ASIC2: variants seen among roughly 807,000 people sequenced by gnomAD.
ASIC2 encodes acid-sensing ion channel 2.
Under a neutral mutation model 57.3 loss-of-function variants are expected in ASIC2, and 25 were observed. The ratio of observed to expected loss-of-function variants is 0.44; its 90% confidence interval spans 0.32 to 0.61. The LOEUF (loss-of-function observed/expected upper bound fraction) is 0.61, where lower values mean the gene tolerates loss of function less well. ASIC2 is among the 20% of genes least tolerant of loss of function. ASIC2 has a pLI of 0.06. For synonymous variants in ASIC2, 319 were observed against 307.5 expected (o/e 1.04, Z -0.39); for missense variants, 641 against 738.1 (o/e 0.87, Z 1.52).
chr17:33,723,909 T>C (rs1003284764), intron 1 of ASIC2, among the ~76,000 whole-genome samples: 1 of 152,206 alleles, frequency 6.6e-6, no homozygotes, highest in Non-Finnish European at 1.5e-5. Flanking sequence ...AGAATTTTCC[T>C]GGCAGAGGAG....
intron 1 of ASIC2, among the ~76,000 whole-genome samples, chr17:33,371,879 T>G (rs1169834859): frequency 6.6e-6 from 1 of 152,102 alleles, no homozygotes; most frequent in Non-Finnish European, 1.5e-5. Flanking sequence ...AAAGAGAAAG[T>G]TAAAGCCATG....
intron 1 of ASIC2, chr17:33,569,282 C>CT (rs1183949435): frequency 6.6e-6 from 1 of 152,308 alleles, no homozygotes; most frequent in Non-Finnish European, 1.5e-5. Context: ...GGTGACATGT[C>CT]TGAGTCCCCT....
At chr17:33,266,335 A>C (rs1909458322) in intron 1 of ASIC2, among the ~76,000 whole-genome samples, 1 of 152,116 alleles carries the variant, frequency 6.6e-6, no homozygotes, top group African/African-American at 2.4e-5. Context: ...TGCCTGACTC[A>C]GGGAAGGCAT....
intron 1 of ASIC2, among the ~76,000 whole-genome samples, chr17:34,031,043 T>G (rs1907588919): frequency 6.6e-6 from 1 of 152,240 alleles, no homozygotes; most frequent in Admixed American, 6.5e-5. Context: ...GCTGGAGATC[T>G]GAGATCGGGC....
At position 34,130,737 on chromosome 17, in the gene ASIC2, A is replaced by G. The variant is rs960260908; in HGVS notation, c.555+25241T>C. ...CTCCCCAAGGGCTGGGCCCTGCATT[A>G]CCCATGTTTGCATAACTAGTGCATC... On this transcript the variant is annotated intron_variant, in intron 1 of 9. Transcript: ENST00000359872. Among the ~76,000 whole-genome samples, 4 of 152,330 alleles carry G rather than the reference A, an allele frequency of 2.6e-5. 1 individual carries two copies. Among genetic ancestry groups the G allele is most frequent in the Admixed American group, 2.6e-4 (4 of 15,300 alleles).
In ASIC2 at chr17:34,099,764, AAG is replaced by A. The variant is rs1491511131; in HGVS notation, c.555+56212_555+56213del. On this transcript the variant is annotated intron_variant, in intron 1 of 9. Coordinates refer to the ASIC2 transcript ENST00000359872. ...AAAGAAAGAAAGAAAGAAAGAAAGA[AAG>A]AAAGAAAGAAAGAAAGAAAGAAAGA... Among the ~76,000 whole-genome samples the A allele has an allele frequency of 1.5e-3, 37 of 24,796 alleles. 1 individual carries two copies. The highest frequency in any genetic ancestry group is 3.8e-3 in the African/African-American group (32 of 8,406). The allele number at this position is 24,796 out of a possible 152,430, so 16.3% of individuals were successfully genotyped here.
chr17:33,675,636 A>G (rs1380355653), intron 1 of ASIC2, among the ~76,000 whole-genome samples: 1 of 152,142 alleles, frequency 6.6e-6, no homozygotes, highest in Non-Finnish European at 1.5e-5. Context: ...CAGTGGTGCA[A>G]TCAAGGCTCA....
chr17:33,381,108 G>A (rs898100708), intron 1 of ASIC2, among the ~76,000 whole-genome samples: 9 of 152,184 alleles, frequency 5.9e-5, no homozygotes, highest in South Asian at 2.1e-4. Context: ...GCACTTGGCC[G>A]GTGGCTGTGC....
At chr17:34,064,755 A>G (rs1311370621) in intron 1 of ASIC2, among the ~76,000 whole-genome samples, 1 of 152,212 alleles carries the variant, frequency 6.6e-6, no homozygotes, top group Non-Finnish European at 1.5e-5. Context: ...AGATACACAA[A>G]TGCCCAACAA....
chr17:33,644,679 C>T (rs1013616696), intron 1 of ASIC2, among the ~76,000 whole-genome samples: 5 of 152,158 alleles, frequency 3.3e-5, no homozygotes, highest in African/African-American at 9.7e-5. Flanking sequence ...TTTAGTATTA[C>T]GTGATGAATA....
intron 1 of ASIC2, among the ~76,000 whole-genome samples, chr17:33,964,512 T>C (rs189650356): frequency 6.6e-6 from 1 of 152,366 alleles, no homozygotes; most frequent in Admixed American, 6.5e-5. Context: ...ATTCTCCCTT[T>C]CACACCACAA....
Position 33,023,844 on chromosome 17 carries a change from A to T in ASIC2, c.1349+17T>A. 1 of 1,613,776 alleles carries T rather than the reference A, an allele frequency of 6.2e-7. No individual in the cohort carries two copies. On this transcript the variant is annotated intron_variant, in intron 6 of 9. Coordinates refer to ENST00000225823, the MANE Select transcript of ASIC2 (RefSeq NM_183377.2). ...CAGTTCCCCCTTCCCCCTGCCTACC[A>T]TGCCCACTAAACTTACGAGATATAT...
At chr17:33,479,053 C>T (rs1214240887) in intron 1 of ASIC2, among the ~76,000 whole-genome samples, 2 of 152,032 alleles carry the variant, frequency 1.3e-5, no homozygotes, top group Non-Finnish European at 2.9e-5. Context: ...GGCTGGAGTG[C>T]AGTGGTGTGA....
chr17:33,192,384 A>AAAAACAAAAC (rs149064811), intron 1 of ASIC2, among the ~76,000 whole-genome samples: 88 of 143,008 alleles, frequency 6.2e-4, no homozygotes, highest in East Asian at 2.8e-3. Context: ...ACTCAGTCTC[A>AAAAACAAAAC]AAAACAAAAC....
At chr17:33,876,934 C>G (rs908439212) in intron 1 of ASIC2, among the ~76,000 whole-genome samples, 2 of 152,180 alleles carry the variant, frequency 1.3e-5, no homozygotes, top group Non-Finnish European at 1.5e-5. Context: ...CTTTCCTGAG[C>G]CTGGGAGCAG....
chr17:34,035,829 T>G (rs1907853185), intron 1 of ASIC2, among the ~76,000 whole-genome samples: 1 of 151,958 alleles, frequency 6.6e-6, no homozygotes, highest in Non-Finnish European at 1.5e-5. Context: ...AAAACCACAA[T>G]GAGATACCAT....
At chr17:34,123,371 A>T (rs963133667) in intron 1 of ASIC2, among the ~76,000 whole-genome samples, 1 of 152,098 alleles carries the variant, frequency 6.6e-6, no homozygotes, top group Admixed American at 6.5e-5. Flanking sequence ...CTGCAATGTC[A>T]TTTCCTGCTT....
At chr17:33,110,136 C>T (rs1359333853) in intron 2 of ASIC2, among the ~76,000 whole-genome samples, 1 of 152,152 alleles carries the variant, frequency 6.6e-6, no homozygotes, top group Non-Finnish European at 1.5e-5. Context: ...CATGGAGGGA[C>T]ATAACTAACT....
rs181311293 is a variant in ASIC2, at chr17:33,873,135, C to T, written c.555+282843G>A. Among the ~76,000 whole-genome samples the T allele has an allele frequency of 8.0e-4, 122 of 152,314 alleles. 1 individual carries two copies. The highest frequency in any genetic ancestry group is 2.9e-3 in the African/African-American group (120 of 41,568). On this transcript the variant is annotated intron_variant, in intron 1 of 9. Coordinates refer to the ASIC2 transcript ENST00000359872. ...TCATCTTTCAGAGTGTACTATCTCT[C>T]TAAATAAACTCTTTGCTCTCCATTT...
Sources: allele counts gnomAD v4.1 joint callset (sites outside exome capture counted in the v4.1 genomes callset), GRCh38; gene constraint gnomAD v4.1.1; transcripts MANE v1.5; gene names NCBI Gene and HGNC (gene_info 2026-07-23, HGNC 2026-07-21).